TEAD1: variants seen among roughly 807,000 people sequenced by gnomAD.
TEAD1 encodes the protein TEA domain transcription factor 1.
TEAD1 carries 9 observed loss-of-function variants against 54.9 expected under a neutral mutation model. That is an observed-to-expected ratio of 0.16 (90% CI 0.10 to 0.29). TEAD1 has a LOEUF of 0.29. Ranked by LOEUF, TEAD1 falls within the 10% of genes least tolerant of loss-of-function variation. TEAD1 has a pLI of 1.00. For synonymous variants in TEAD1, 200 were observed against 187.8 expected (o/e 1.07, Z -0.53); for missense variants, 387 against 535.9 (o/e 0.72, Z 2.74).
intron 5 of TEAD1, among the ~76,000 whole-genome samples, chr11:12,870,161 T>C (rs1158536319): frequency 6.6e-6 from 1 of 152,196 alleles, no homozygotes; most frequent in African/African-American, 2.4e-5. Context: ...ATTACAGACA[T>C]GAGCCACTGC....
chr11:12,924,932 T>G lies in TEAD1; in HGVS notation c.894T>G (p.Ile298Met). 1.2e-6 allele frequency: 2 copies of G among 1,614,162 alleles called. No homozygotes were observed. Among genetic ancestry groups the G allele is most frequent in the South Asian group, 2.2e-5 (2 of 91,080 alleles). ...AACAGGCTGATTTAAACTGCAATATTCAAGATGATGCTGGGGCTTTTTATG... is the reference window on the plus strand; with the variant it reads ...AACAGGCTGATTTAAACTGCAATATGCAAGATGATGCTGGGGCTTTTTATG... The change falls in exon 11 of 13, where the codon ATT (isoleucine) becomes ATG (methionine). Residue 298 changes from isoleucine (I) to methionine (M), a missense_variant. This residue lies in a region of TEAD1 where 123 missense variants were observed against 199.0 expected (regional missense o/e 0.62). Transcript: ENST00000527636.
intron 2 of TEAD1, among the ~76,000 whole-genome samples, chr11:12,748,745 G>A (rs923530562): frequency 2.4e-4 from 37 of 152,036 alleles, no homozygotes; most frequent in African/African-American, 8.2e-4. Context: ...TGGCGAGAGT[G>A]TGGGGAGGCG....
At chr11:12,715,708 A>G (rs1944045084) in intron 2 of TEAD1, among the ~76,000 whole-genome samples, 1 of 152,176 alleles carries the variant, frequency 6.6e-6, no homozygotes, top group African/African-American at 2.4e-5. Context: ...ATCAGATTAA[A>G]AAAAAGATGC....
At chr11:12,858,886 G>A (rs1947444140) in intron 3 of TEAD1, among the ~76,000 whole-genome samples, 1 of 152,210 alleles carries the variant, frequency 6.6e-6, no homozygotes, top group Non-Finnish European at 1.5e-5. Flanking sequence ...CACAAACCTA[G>A]ATGGAATAGC....
chr11:12,900,607 T>C (rs772600151), intron 9 of TEAD1, among the ~76,000 whole-genome samples: 13 of 152,198 alleles, frequency 8.5e-5, no homozygotes, highest in Non-Finnish European at 1.5e-4. Flanking sequence ...GGCAGTGTTT[T>C]GTGCTTGAGT....
At chr11:12,726,727 C>T (rs571337660) in intron 2 of TEAD1, among the ~76,000 whole-genome samples, 12 of 151,962 alleles carry the variant, frequency 7.9e-5, no homozygotes, top group African/African-American at 7.3e-5. Flanking sequence ...TGGTGGCATG[C>T]GCCTGTAGTC....
At chr11:12,881,855 A>T in intron 7 of TEAD1, 41 bp from the exon 8 acceptor site, 1 of 1,608,632 alleles carries the variant, frequency 6.2e-7, no homozygotes. Context: ...CCTGCTGCAG[A>T]TGCGATCTCT....
intron 2 of TEAD1, among the ~76,000 whole-genome samples, chr11:12,688,109 C>T (rs1328650701): frequency 1.3e-5 from 2 of 152,168 alleles, no homozygotes; most frequent in African/African-American, 2.4e-5. Context: ...ATGACCTTGA[C>T]TTCACTTTTT....
intron 3 of TEAD1, among the ~76,000 whole-genome samples, chr11:12,786,269 T>A (rs1210027959): frequency 1.3e-5 from 2 of 152,206 alleles, no homozygotes; most frequent in Non-Finnish European, 2.9e-5. Flanking sequence ...CGGACTGCAC[T>A]GGCTTGTTTT....
chr11:12,748,697 T>C (rs1944802599), intron 2 of TEAD1, among the ~76,000 whole-genome samples: 1 of 152,090 alleles, frequency 6.6e-6, no homozygotes, highest in South Asian at 2.1e-4. Flanking sequence ...ACCCATATCA[T>C]CTCGTATAAC....
chr11:12,914,088 C>A (rs1228183235), intron 10 of TEAD1, among the ~76,000 whole-genome samples: 1 of 152,184 alleles, frequency 6.6e-6, no homozygotes, highest in Non-Finnish European at 1.5e-5. Context: ...GTGAAGTTGC[C>A]ACTAGTGGTC....
chr11:12,812,964 T>G (rs1254752970), intron 3 of TEAD1, among the ~76,000 whole-genome samples: 1 of 152,048 alleles, frequency 6.6e-6, no homozygotes, highest in East Asian at 1.9e-4. Context: ...AAGGCAAGGG[T>G]CTGTGGTTAG....
At chr11:12,706,114 G>A (rs980620724) in intron 2 of TEAD1, among the ~76,000 whole-genome samples, 6 of 152,172 alleles carry the variant, frequency 3.9e-5, no homozygotes, top group African/African-American at 1.2e-4. Context: ...AATTTGACTC[G>A]TTTGAAATAT....
At chr11:12,708,761 A>G (rs923760327) in intron 2 of TEAD1, among the ~76,000 whole-genome samples, 1 of 152,210 alleles carries the variant, frequency 6.6e-6, no homozygotes, top group African/African-American at 2.4e-5. Flanking sequence ...GAATATTATA[A>G]AGCTGCTGAA....
chr11:12,709,520 T>C (rs1230415575), intron 2 of TEAD1, among the ~76,000 whole-genome samples: 1 of 152,114 alleles, frequency 6.6e-6, no homozygotes, highest in Non-Finnish European at 1.5e-5. Context: ...TAGTTTCTTT[T>C]TCTACTTATT....
chr11:12,723,024 T>C lies in TEAD1; in HGVS notation c.-54-41155T>C, dbSNP rs539396445. Reference sequence around the variant, plus strand: ...CTATTATAAGTAATACTTTGGGATATGGCCTTGTGCTTATTGTGGATTTTT... The same window carrying C: ...CTATTATAAGTAATACTTTGGGATACGGCCTTGTGCTTATTGTGGATTTTT... On this transcript the variant is annotated intron_variant, in intron 2 of 12. Coordinates refer to ENST00000527636, the MANE Select transcript of TEAD1 (RefSeq NM_021961.6). 2.2e-4 allele frequency among the ~76,000 whole-genome samples: 33 copies of C among 152,266 alleles called. No homozygotes were observed. In the South Asian group the frequency reaches 6.2e-3, roughly 29 times the overall value.
intron 3 of TEAD1, among the ~76,000 whole-genome samples, chr11:12,851,831 G>A (rs528219817): frequency 4.6e-5 from 7 of 152,150 alleles, no homozygotes; most frequent in Non-Finnish European, 8.8e-5. Flanking sequence ...TATTGAGCAC[G>A]TACTTAATAG....
chr11:12,689,326 T>C (rs962509019), intron 2 of TEAD1, among the ~76,000 whole-genome samples: 1 of 152,236 alleles, frequency 6.6e-6, no homozygotes, highest in South Asian at 2.1e-4. Flanking sequence ...TGTTACTATT[T>C]TGGAATAACA....
intron 3 of TEAD1, among the ~76,000 whole-genome samples, chr11:12,801,941 T>C (rs1004749537): frequency 2.6e-5 from 4 of 152,196 alleles, no homozygotes; most frequent in Non-Finnish European, 5.9e-5. Context: ...TGGCTTAATG[T>C]AGATATGTTT....
Sources: gnomAD v4.1 joint callset for allele counts (sites outside exome capture counted in the v4.1 genomes callset) on GRCh38, gnomAD v4.1.1 for gene constraint, gnomAD v4.1.1 regional missense constraint, MANE v1.5 for transcripts, NCBI Gene and HGNC (gene_info 2026-07-23, HGNC 2026-07-21) for gene names.